Variants in ULBP3 observed in about 807,000 individuals in gnomAD.
ULBP3 encodes UL16 binding protein 3, also known as UL16-binding protein 3.
A neutral mutation model predicts 24.9 loss-of-function variants in ULBP3; 25 were observed. The observed-to-expected ratio is 1.00, with a 90% confidence interval of 0.73 to 1.40. The LOEUF (loss-of-function observed/expected upper bound fraction) is 1.40. Among genes scored for constraint, ULBP3 ranks in the 40% most tolerant of loss-of-function variants. ULBP3 has a pLI of 0.00. For missense variants in ULBP3, 306 were observed against 307.5 expected, an observed-to-expected ratio of 1.00 and a Z score of 0.04; for synonymous variants, 114 against 114.7, an observed-to-expected ratio of 0.99 and a Z score of 0.04.
rs1313629658 is a variant in ULBP3 at position 150,065,382 on chromosome 6, C to T, written c.628+16G>A. ...TGGCATCTCCAACATGCTCCCAGTG[C>T]TCCCCTGTCAGTTACCTGTGGGTTC... On this transcript the variant is annotated intron_variant, in intron 3 of 4. Transcript: ENST00000367339. The T allele has an allele frequency of 9.3e-6, 15 of 1,612,634 alleles. No homozygotes were observed. The highest frequency in any genetic ancestry group is 1.7e-5 in the Admixed American group (1 of 59,980).
chr6:150,064,872 G>T (rs945994041), intron 3 of ULBP3, among the ~76,000 whole-genome samples, 159 bp from the exon 4 acceptor site: 25 of 152,128 alleles, frequency 1.6e-4, no homozygotes, highest in Admixed American at 2.0e-4. Context: ...TAGGAAGGGA[G>T]AAGGGGTGCT....
chr6:150,069,095 G>T lies in ULBP3; in HGVS notation c.-29C>A, dbSNP rs1776394122. On this transcript the variant is annotated 5_prime_UTR_variant, in exon 1 of 5. Transcript: ENST00000367339. ...AGACCAGGAGCGCCCGGGACACAAG[G>T]CGCAGTCGATGTGGAGACCAGCGTA... The T allele has an allele frequency of 6.2e-7, 1 of 1,602,584 alleles. No individual in the cohort carries two copies.
chr6:150,064,777 T>C (rs972071222), intron 3 of ULBP3, 64 bp from the exon 4 acceptor site: 4 of 1,519,458 alleles, frequency 2.6e-6, no homozygotes, highest in African/African-American at 1.4e-5. Flanking sequence ...GATGGCTCCT[T>C]AGCTCCTGCT....
chr6:150,065,120 CA>C (rs1465749067), intron 3 of ULBP3, among the ~76,000 whole-genome samples: 3 of 151,930 alleles, frequency 2.0e-5, no homozygotes, highest in Non-Finnish European at 4.4e-5. Context: ...ATGACGCCCA[CA>C]GTTTTGAGGC....
intron 2 of ULBP3, 37 bp downstream of exon 2, chr6:150,065,862 A>G (rs745850989): frequency 1.2e-6 from 2 of 1,608,650 alleles, no homozygotes; most frequent in South Asian, 1.1e-5. Flanking sequence ...CTGAGCCCAC[A>G]GTCTGCTCCC....
intron 4 of ULBP3, among the ~76,000 whole-genome samples, chr6:150,063,991 C>G (rs1001139093): frequency 6.6e-6 from 1 of 152,144 alleles, no homozygotes; most frequent in Non-Finnish European, 1.5e-5. Flanking sequence ...CCAAGGGGCT[C>G]GGCCATTTCC....
Position 150,069,077 on chromosome 6 carries a change from G to C in ULBP3, c.-11C>G, listed in dbSNP as rs139986011. The C allele has an allele frequency of 1.2e-6, 2 of 1,608,932 alleles. No homozygotes were observed. The highest frequency in any genetic ancestry group is 2.2e-5 in the South Asian group (2 of 90,228). On this transcript the variant is annotated 5_prime_UTR_variant, in exon 1 of 5. Transcript: ENST00000367339. ...GGCGGCCGCTGCCATTGTAGACCAG[G>C]AGCGCCCGGGACACAAGGCGCAGTC... is the stretch of plus-strand genomic sequence containing the variant.
At chr6:150,067,391 G>C (rs184576896) in intron 1 of ULBP3, among the ~76,000 whole-genome samples, 1 of 152,270 alleles carries the variant, frequency 6.6e-6, no homozygotes. Context: ...CAAATACTCA[G>C]ACACTCCTAG....
intron 4 of ULBP3, 112 bp downstream of exon 4, chr6:150,064,473 G>T: frequency 1.0e-6 from 1 of 966,528 alleles, no homozygotes; most frequent in East Asian, 2.7e-5. Context: ...TCTCATGTCA[G>T]AACGAGAAGG....
intron 4 of ULBP3, 100 bp from the exon 5 acceptor site, chr6:150,063,451 C>T: frequency 1.7e-6 from 1 of 600,526 alleles, no homozygotes; most frequent in Non-Finnish European, 2.1e-6. Flanking sequence ...AGAGCTTCTC[C>T]CCCAGATAAG....
intron 2 of ULBP3, 96 bp from the exon 3 acceptor site, chr6:150,065,769 T>C: frequency 6.3e-7 from 1 of 1,581,826 alleles, no homozygotes; most frequent in Non-Finnish European, 8.6e-7. Flanking sequence ...CTGGTCCTGT[T>C]GTCTCCTCCA....
rs573541788 is a variant in ULBP3 at position 150,065,209 on chromosome 6, C to T, written c.628+189G>A. On this transcript the variant is annotated intron_variant, in intron 3 of 4. Coordinates refer to ENST00000367339, the MANE Select transcript of ULBP3 (RefSeq NM_024518.3). ...AGTCAGGAGGGAGAGCATAGGCACC[C>T]CAAGGAGGAGGCCCCCATGAGGGGT... Among the ~76,000 whole-genome samples the T allele has an allele frequency of 2.0e-5, 3 of 152,080 alleles. No individual in the cohort carries two copies. The South Asian group carries it at 6.2e-4, about 32-fold the overall frequency.
rs4869814 is a variant in ULBP3, at chr6:150,061,437, A to G, written c.*1937T>C. ...GCCCCTCCTGTCTCACCTGTCTAGT[A>G]ATCTCCAGTGCCTCTGGTTCATGTG... On this transcript the variant is annotated 3_prime_UTR_variant, in exon 5 of 5. Coordinates refer to ENST00000367339, the MANE Select transcript of ULBP3 (RefSeq NM_024518.3). Among the ~76,000 whole-genome samples the G allele has an allele frequency of 0.88, 133,632 of 152,172 alleles. 58,827 individuals are homozygous for G. The highest frequency in any genetic ancestry group is 0.92 in the Middle Eastern group (270 of 292).
chr6:150,067,785 A>G (rs1776368917), intron 1 of ULBP3, among the ~76,000 whole-genome samples: 1 of 152,166 alleles, frequency 6.6e-6, no homozygotes, highest in South Asian at 2.1e-4. Context: ...TGTGGTTGGA[A>G]AAGGTGCTAT....
At chr6:150,068,299 A>G (rs9371693) in intron 1 of ULBP3, among the ~76,000 whole-genome samples, 76,810 of 151,996 alleles carry the variant, frequency 0.51, 20,700 homozygotes, top group Middle Eastern at 0.69. Context: ...CCCAGAAGCC[A>G]CAGGCAGGGT....
At chr6:150,068,779 C>T (rs530926684) in intron 1 of ULBP3, among the ~76,000 whole-genome samples, 200 bp downstream of exon 1, 55 of 152,338 alleles carry the variant, frequency 3.6e-4, no homozygotes, top group African/African-American at 1.3e-3. Context: ...TCTTTGACCC[C>T]CCTCCTGCTC....
At position 150,066,051 on chromosome 6, in the gene ULBP3, C is replaced by T; in HGVS notation, c.200G>A (p.Cys67Tyr). 1 of 1,614,242 alleles carries T rather than the reference C, an allele frequency of 6.2e-7. No individual in the cohort carries two copies. The highest frequency in any genetic ancestry group is 8.5e-7 in the Non-Finnish European group (1 of 1,180,056). ...VDQKNFLSYD[C>Y]GSDKVLSMGH... ...CATAGATAAGACCTTGTCACTGCCA[C>T]AGTCATAGGAGAGAAAATTCTTCTG... The change falls in exon 2 of 5, where the codon TGT (cysteine) becomes TAT (tyrosine). Residue 67 changes from cysteine to tyrosine, a missense_variant. Cys to Tyr is a radical substitution (Grantham distance 194, BLOSUM62 -2). Transcript: ENST00000367339.
chr6:150,065,682 A>T lies in ULBP3; in HGVS notation c.353-9T>A, dbSNP rs370222712. The T allele has an allele frequency of 6.2e-7, 1 of 1,613,812 alleles. No individual in the cohort carries two copies. The highest frequency in any genetic ancestry group is 8.5e-7 in the Non-Finnish European group (1 of 1,179,746). On this transcript the variant is annotated splice_polypyrimidine_tract_variant and intron_variant, in intron 2 of 4. Transcript: ENST00000367339. ...CTGCAGCGTGAGGGGTCCTGCCCCA[A>T]TCAGAAAGAGATCAGCCCTGGTGTT...
At position 150,063,319 on chromosome 6, in the gene ULBP3, G is replaced by A; in HGVS notation, c.*55C>T. ...TGAAGGGAGAGCAGGAACCAGACCA[G>A]GCTAACAGAGGCTTCTTGATATCAC... On this transcript the variant is annotated 3_prime_UTR_variant, in exon 5 of 5. Coordinates refer to ENST00000367339, the MANE Select transcript of ULBP3 (RefSeq NM_024518.3). 1 of 974,408 alleles carries A rather than the reference G, an allele frequency of 1.0e-6. No individual in the cohort carries two copies. The highest frequency in any genetic ancestry group is 1.2e-6 in the Non-Finnish European group (1 of 819,912). 60.4% of individuals were successfully genotyped at this position (974,408 alleles called of 1,614,324 possible). A position where few individuals can be genotyped will look rare whatever the true frequency, so the allele number is the denominator to read the frequency against.
Sources: allele counts gnomAD v4.1 joint callset (sites outside exome capture counted in the v4.1 genomes callset), GRCh38; gene constraint gnomAD v4.1.1; transcripts MANE v1.5; gene names NCBI Gene and HGNC (gene_info 2026-07-23, HGNC 2026-07-21).